PDE1C: variants seen among roughly 807,000 people sequenced by gnomAD.
The protein encoded by PDE1C is phosphodiesterase 1C.
A neutral mutation model predicts 93.1 loss-of-function variants in PDE1C; 62 were observed. The observed-to-expected ratio is 0.67, with a 90% CI of 0.54 to 0.82. The LOEUF (loss-of-function observed/expected upper bound fraction) is 0.82. Among genes scored for constraint, PDE1C ranks in the 40% least tolerant of loss-of-function variants. The probability of loss-of-function intolerance (pLI) is 0.00; values close to 1 mark genes in which losing one functional copy is unlikely to be tolerated. For synonymous variants in PDE1C, 325 were observed against 310.1 expected, an observed-to-expected ratio of 1.05 and a Z score of -0.50; for missense variants, 742 against 884.6, an observed-to-expected ratio of 0.84 and a Z score of 2.04.
chr7:31,640,127 C>T, the PDE1C span, among the ~76,000 whole-genome samples: 4 of 152,140 alleles, frequency 2.6e-5, no homozygotes, highest in Non-Finnish European at 5.9e-5. Flanking sequence ...TTAGGTGGGA[C>T]CAGAGCAGCG....
chr7:31,725,923 AAGAG>A, the PDE1C span, among the ~76,000 whole-genome samples: 1 of 152,332 alleles, frequency 6.6e-6, no homozygotes, highest in Non-Finnish European at 1.5e-5. Flanking sequence ...TGTTTTAAAA[AAGAG>A]AGAGAGAAAA....
the PDE1C span, chr7:31,653,019 G>T: frequency 7.2e-7 from 1 of 1,387,418 alleles, no homozygotes; most frequent in Non-Finnish European, 9.4e-7. Context: ...TAGAATAACT[G>T]AGCACCTAGT....
At chr7:32,043,647 G>T (rs575931863) in intron 2 of PDE1C, among the ~76,000 whole-genome samples, 1 of 152,288 alleles carries the variant, frequency 6.6e-6, no homozygotes, top group African/African-American at 2.4e-5. Flanking sequence ...AATGGCTTGA[G>T]TAGAGGAAAC....
intron 1 of PDE1C, among the ~76,000 whole-genome samples, chr7:32,263,350 G>GGT (rs1810348556): frequency 6.6e-6 from 1 of 151,422 alleles, no homozygotes; most frequent in African/African-American, 2.4e-5. Flanking sequence ...TACATGTGCG[G>GGT]GTGTGTGTGT....
intron 3 of PDE1C, among the ~76,000 whole-genome samples, chr7:32,135,182 A>G (rs1429999781): frequency 6.6e-6 from 1 of 152,186 alleles, no homozygotes; most frequent in Non-Finnish European, 1.5e-5. Context: ...ACACCAAGGA[A>G]AATGTAATAC....
chr7:32,166,607 A>C (rs1802291594), intron 3 of PDE1C, among the ~76,000 whole-genome samples: 1 of 152,220 alleles, frequency 6.6e-6, no homozygotes, highest in South Asian at 2.1e-4. Context: ...CTATCGACAC[A>C]CAACCCCTAG....
chr7:32,307,177 A>AT (rs879585417), intron 1 of PDE1C, among the ~76,000 whole-genome samples: 13 of 151,014 alleles, frequency 8.6e-5, no homozygotes, highest in South Asian at 2.1e-4. Context: ...CACAATAAAG[A>AT]TTTTTTTTTT....
At chr7:31,738,197 G>A in the PDE1C span, among the ~76,000 whole-genome samples, 1 of 152,162 alleles carries the variant, frequency 6.6e-6, no homozygotes, top group Middle Eastern at 3.2e-3. Context: ...GAGGATACAT[G>A]AGCCCAATCT....
chr7:31,842,552 A>T (rs766189741), intron 9 of PDE1C, among the ~76,000 whole-genome samples: 3 of 152,078 alleles, frequency 2.0e-5, no homozygotes, highest in Non-Finnish European at 4.4e-5. Flanking sequence ...CCACTTCATC[A>T]AAGTTGTCAA....
At chr7:32,407,876 G>C (rs540868459) in intron 1 of PDE1C, among the ~76,000 whole-genome samples, 2 of 152,236 alleles carry the variant, frequency 1.3e-5, no homozygotes, top group South Asian at 4.2e-4. Flanking sequence ...CAGTATCCCA[G>C]ATTGCACAGG....
intron 3 of PDE1C, among the ~76,000 whole-genome samples, chr7:32,139,323 T>C (rs1367775092): frequency 1.3e-5 from 2 of 149,938 alleles, no homozygotes. Context: ...TTTTTTTTTT[T>C]TTGAGACCAA....
chr7:32,142,087 G>A (rs1800567765), intron 3 of PDE1C, among the ~76,000 whole-genome samples: 1 of 152,014 alleles, frequency 6.6e-6, no homozygotes, highest in African/African-American at 2.4e-5. Flanking sequence ...AGTAGGTTAT[G>A]AGAAGACAAA....
At chr7:32,105,309 G>A (rs1446160433) in intron 3 of PDE1C, among the ~76,000 whole-genome samples, 1 of 152,060 alleles carries the variant, frequency 6.6e-6, no homozygotes, top group Admixed American at 6.6e-5. Context: ...AACCTGACAA[G>A]CAAAGAGATG....
intron 17 of PDE1C, among the ~76,000 whole-genome samples, chr7:31,755,406 T>C (rs1302867292): frequency 6.6e-6 from 1 of 152,118 alleles, no homozygotes; most frequent in Non-Finnish European, 1.5e-5. Context: ...AATCTAGAAG[T>C]CTCAGCAGCA....
chr7:31,675,810 CA>C, the PDE1C span, among the ~76,000 whole-genome samples: 1 of 151,970 alleles, frequency 6.6e-6, no homozygotes. Flanking sequence ...TTTTGACTAT[CA>C]CTAAGTTAGC....
intron 2 of PDE1C, among the ~76,000 whole-genome samples, chr7:31,945,414 TAG>T (rs1806482910): frequency 6.6e-6 from 1 of 152,204 alleles, no homozygotes; most frequent in Non-Finnish European, 1.5e-5. Context: ...AAAAGTCTTC[TAG>T]AGGTGGATTC....
chr7:31,833,056 G>A (rs1337702865), intron 11 of PDE1C, among the ~76,000 whole-genome samples: 1 of 152,140 alleles, frequency 6.6e-6, no homozygotes, highest in African/African-American at 2.4e-5. Flanking sequence ...GAGCCCGTGG[G>A]AGATAATTGA....
intron 3 of PDE1C, among the ~76,000 whole-genome samples, chr7:31,879,536 T>A (rs920830717): frequency 1.3e-5 from 2 of 152,210 alleles, no homozygotes; most frequent in Non-Finnish European, 1.5e-5. Flanking sequence ...CCATGTGACG[T>A]TATTTTGTTT....
intron 2 of PDE1C, among the ~76,000 whole-genome samples, chr7:32,186,349 G>A (rs566831675): frequency 4.1e-4 from 63 of 152,014 alleles, no homozygotes; most frequent in African/African-American, 1.5e-3. Flanking sequence ...TGATCCACCC[G>A]CCTCGGCCTC....
Sources: allele counts gnomAD v4.1 joint callset (sites outside exome capture counted in the v4.1 genomes callset), GRCh38; gene constraint gnomAD v4.1.1; transcripts MANE v1.5; gene names NCBI Gene and HGNC (gene_info 2026-07-23, HGNC 2026-07-21).